Variants in KIZ observed in about 807,000 individuals in gnomAD.
KIZ encodes the protein kizuna centrosomal protein, also known as centrosomal protein kizuna.
KIZ carries 68 observed loss-of-function variants against 79.6 expected under a neutral mutation model. The ratio of observed to expected loss-of-function variants is 0.85; its 90% confidence interval spans 0.70 to 1.05. KIZ has a LOEUF of 1.05. Ranked by LOEUF, KIZ falls within the 50% of genes least tolerant of loss-of-function variation. The pLI, the probability that KIZ is intolerant of heterozygous loss-of-function variation, is 0.00. For synonymous variants in KIZ, 280 were observed against 281.8 expected (o/e 0.99, Z 0.06); for missense variants, 797 against 800.4 (o/e 1.00, Z 0.05).
chr20:21,160,797 G>C (rs2122669711), intron 4 of KIZ: 1 of 152,230 alleles, frequency 6.6e-6, no homozygotes, highest in East Asian at 1.9e-4. Context: ...GGTGGGATTA[G>C]TTTCTTTATA....
chr20:21,151,919 A>G (rs568839995), intron 4 of KIZ: 1 of 152,360 alleles, frequency 6.6e-6, no homozygotes, highest in East Asian at 1.9e-4. Flanking sequence ...AGCAGCCTGA[A>G]TGAGCAGCTG....
At chr20:21,156,241 A>C (rs1250664643) in intron 4 of KIZ, among the ~76,000 whole-genome samples, 1 of 152,178 alleles carries the variant, frequency 6.6e-6, no homozygotes, top group African/African-American at 2.4e-5. Flanking sequence ...CATTACTGTT[A>C]ACTGAACTCT....
intron 6 of KIZ, among the ~76,000 whole-genome samples, chr20:21,199,765 G>C (rs1600518680): frequency 6.6e-6 from 1 of 152,170 alleles, no homozygotes; most frequent in African/African-American, 2.4e-5. Flanking sequence ...CACTGGTTTG[G>C]AGAGAATGAT....
chr20:21,180,119 G>A (rs1451002957), intron 6 of KIZ, among the ~76,000 whole-genome samples: 1 of 151,728 alleles, frequency 6.6e-6, no homozygotes, highest in East Asian at 1.9e-4. Flanking sequence ...ATTTTGTCTG[G>A]TTGTTCTATT....
chr20:21,242,620 G>A (rs2037255847), intron 11 of KIZ, among the ~76,000 whole-genome samples: 1 of 151,928 alleles, frequency 6.6e-6, no homozygotes, highest in African/African-American at 2.4e-5. Context: ...GGAAAGAGGA[G>A]TGGAGACTGG....
rs114257596 is a variant in KIZ at position 21,188,146 on chromosome 20, C to T, written c.1353-17345C>T. Among the ~76,000 whole-genome samples, 278 of 152,352 alleles carry T rather than the reference C, an allele frequency of 1.8e-3. 1 individual carries two copies. Among genetic ancestry groups the T allele is most frequent in the African/African-American group, 6.6e-3 (274 of 41,580 alleles). ...ACCTAAAAATATTACTCGAATTTCC[C>T]TCCTGTATTTCTGTGGCAGAGTTGG... On this transcript the variant is annotated intron_variant, in intron 6 of 12. Coordinates refer to ENST00000619189, the MANE Select transcript of KIZ (RefSeq NM_018474.6).
rs536041538 is a variant in KIZ at position 21,146,169 on chromosome 20, T to C, written c.405+515T>C. ...CTTCTAATCCTCCTGCCTATCTCCATATAAATGATTCTGTTCAAGACCGTA... is the reference window on the plus strand; with the variant it reads ...CTTCTAATCCTCCTGCCTATCTCCACATAAATGATTCTGTTCAAGACCGTA... On this transcript the variant is annotated intron_variant, in intron 4 of 12. Coordinates refer to ENST00000619189, the MANE Select transcript of KIZ (RefSeq NM_018474.6). Among the ~76,000 whole-genome samples, 8 of 152,348 alleles carry C rather than the reference T, an allele frequency of 5.3e-5. No individual in the cohort carries two copies. In the East Asian group the frequency reaches 1.5e-3, roughly 29 times the overall value.
Position 21,205,515 on chromosome 20 carries a change from C to T in KIZ, c.1377C>T (p.Asp459=), listed in dbSNP as rs755265968. The T allele has an allele frequency of 9.7e-6, 15 of 1,544,812 alleles. No individual in the cohort carries two copies. The highest frequency in any genetic ancestry group is 2.3e-5 in the South Asian group (2 of 85,756). The part of the protein sequence containing the change: ...TREPGQTPDS[D]VPRAQVGQHV... ...GACCTGGACAAACACCAGACTCAGA[C>T]GTACCGAGGGCACAGGTGGGTCAGC... Residue 459 remains aspartate (D), a synonymous_variant, in exon 7 of 13, where the codon GAC becomes GAT. Coordinates refer to ENST00000619189, the MANE Select transcript of KIZ (RefSeq NM_018474.6).
Position 21,205,518 on chromosome 20 carries a change from A to G in KIZ, c.1380A>G (p.Val460=). 1 of 1,554,778 alleles carries G rather than the reference A, an allele frequency of 6.4e-7. No individual in the cohort carries two copies. The highest frequency in any genetic ancestry group is 8.8e-7 in the Non-Finnish European group (1 of 1,135,878). The stretch of plus-strand genomic sequence containing the variant: ...CTGGACAAACACCAGACTCAGACGT[A>G]CCGAGGGCACAGGTGGGTCAGCATG... ...REPGQTPDSD[V]PRAQVGQHVA... Residue 460 remains valine (V), a synonymous_variant, in exon 7 of 13, where the codon GTA becomes GTG. Transcript: ENST00000619189.
intron 9 of KIZ, among the ~76,000 whole-genome samples, chr20:21,216,214 A>G (rs2036287398): frequency 6.6e-6 from 1 of 152,198 alleles, no homozygotes. Context: ...TTCTTTTTAG[A>G]ATAAGAACAG....
chr20:21,135,364 C>T (rs756479457), intron 2 of KIZ, among the ~76,000 whole-genome samples: 35 of 152,122 alleles, frequency 2.3e-4, no homozygotes, highest in Non-Finnish European at 4.3e-4. Flanking sequence ...CAGTTACTTG[C>T]GTCAAAAATG....
intron 1 of KIZ, among the ~76,000 whole-genome samples, chr20:21,129,027 T>C (rs1245684553): frequency 6.6e-6 from 1 of 152,044 alleles, no homozygotes; most frequent in African/African-American, 2.4e-5. Flanking sequence ...ATCCCAGGGA[T>C]GGGTATTTCA....
Position 21,162,060 on chromosome 20 carries a change from C to T in KIZ, c.595C>T (p.Gln199Ter), listed in dbSNP as rs199700362. 5.9e-5 allele frequency: 95 copies of T among 1,613,688 alleles called. No homozygotes were observed. The highest frequency in any genetic ancestry group is 7.9e-5 in the Non-Finnish European group (93 of 1,179,806). The change falls in exon 5 of 13, where the codon CAG (glutamine) becomes TAG (stop). Residue 199 changes from glutamine (Q) to a stop codon, truncating the protein, a stop_gained. Transcript: ENST00000619189. LOFTEE classifies it high-confidence loss of function. ...PDPHSHRQTAQSSNVTDSCVV... is the reference protein window; with the variant it reads ...PDPHSHRQTA ...CCCACATTCACACCGACAGACAGCC[C>T]AGAGCAGTAATGTGACAGACAGCTG...
chr20:21,140,478 A>G (rs2032454967), intron 3 of KIZ, among the ~76,000 whole-genome samples: 1 of 152,184 alleles, frequency 6.6e-6, no homozygotes, highest in Admixed American at 6.5e-5. Flanking sequence ...AGTTCACTAT[A>G]TAATGCTAAA....
chr20:21,204,395 G>C (rs1255846924), intron 6 of KIZ, among the ~76,000 whole-genome samples: 1 of 152,018 alleles, frequency 6.6e-6, no homozygotes, highest in Non-Finnish European at 1.5e-5. Flanking sequence ...ATTCATCTAT[G>C]TTGTAGTATG....
intron 4 of KIZ, among the ~76,000 whole-genome samples, chr20:21,147,960 T>TC (rs2032928075): frequency 5.4e-5 from 7 of 130,668 alleles, no homozygotes; most frequent in Admixed American, 1.6e-4. Flanking sequence ...CCTCCTGGAA[T>TC]TTGTGTGTGT....
intron 7 of KIZ, among the ~76,000 whole-genome samples, chr20:21,212,826 G>A (rs1455229534): frequency 2.6e-5 from 4 of 152,220 alleles, no homozygotes; most frequent in Admixed American, 1.3e-4. Flanking sequence ...TGTGTAGGCA[G>A]TTGGGATGGG....
chr20:21,166,603 G>T, intron 6 of KIZ: 1 of 1,206,420 alleles, frequency 8.3e-7, no homozygotes, highest in Non-Finnish European at 1.2e-6. Flanking sequence ...CCATTGTGGC[G>T]GTGCGGAAAG....
chr20:21,133,864 A>G (rs1600348363), intron 2 of KIZ, among the ~76,000 whole-genome samples: 1 of 152,194 alleles, frequency 6.6e-6, no homozygotes, highest in Non-Finnish European at 1.5e-5. Flanking sequence ...AGCAGTGTAG[A>G]CTACCCTTCT....
Sources: gnomAD v4.1 joint callset for allele counts (sites outside exome capture counted in the v4.1 genomes callset) on GRCh38, gnomAD v4.1.1 for gene constraint, MANE v1.5 for transcripts, NCBI Gene and HGNC (gene_info 2026-07-23, HGNC 2026-07-21) for gene names.